Variants in NBAS observed in about 807,000 individuals in gnomAD.
NBAS encodes NBAS subunit of NRZ tethering complex.
In NBAS, 219 loss-of-function variants were observed where a neutral mutation model predicts 302.5. The ratio of observed to expected loss-of-function variants is 0.72; its 90% CI spans 0.65 to 0.81. The LOEUF is 0.81. Ranked by LOEUF, NBAS falls within the 30% of genes least tolerant of loss-of-function variation. The pLI is 0.00. For synonymous variants in NBAS, 1,118 were observed against 1,021.6 expected, an observed-to-expected ratio of 1.09 and a Z score of -1.80; for missense variants, 2,932 against 2,841.6, an observed-to-expected ratio of 1.03 and a Z score of -0.72.
chr2:14,896,545 A>G, the NBAS span, among the ~76,000 whole-genome samples: 7 of 152,052 alleles, frequency 4.6e-5, no homozygotes, highest in African/African-American at 7.2e-5. Flanking sequence ...CAAGGAACCA[A>G]TTAGCTGCTA....
At chr2:14,796,638 G>A in the NBAS span, among the ~76,000 whole-genome samples, 1 of 151,958 alleles carries the variant, frequency 6.6e-6, no homozygotes, top group South Asian at 2.1e-4. Flanking sequence ...ATAGAGGCGG[G>A]TCCCTGGTAA....
chr2:15,002,448 G>A, the NBAS span, among the ~76,000 whole-genome samples: 12 of 149,900 alleles, frequency 8.0e-5, no homozygotes, highest in African/African-American at 3.1e-4. Context: ...TGGCCCACCA[G>A]ACTCAGGAGC....
chr2:15,379,194 C>CT (rs1674902514), intron 30 of NBAS, among the ~76,000 whole-genome samples: 1 of 90,614 alleles, frequency 1.1e-5, no homozygotes, highest in South Asian at 3.2e-4. Context: ...TTGTCTCTCT[C>CT]TCTTTTTTTT....
chr2:15,181,354 G>T (rs1249058830), intron 50 of NBAS, among the ~76,000 whole-genome samples: 1 of 152,178 alleles, frequency 6.6e-6, no homozygotes, highest in Non-Finnish European at 1.5e-5. Context: ...TCCAAGAAGG[G>T]AGGAACCCAC....
intron 48 of NBAS, among the ~76,000 whole-genome samples, chr2:15,202,368 AT>A (rs1665918492): frequency 6.6e-6 from 1 of 152,220 alleles, no homozygotes; most frequent in South Asian, 2.1e-4. Flanking sequence ...ACATGACTAA[AT>A]ATATTTTATG....
intron 51 of NBAS, among the ~76,000 whole-genome samples, chr2:15,167,664 A>G (rs1664095900): frequency 6.6e-6 from 1 of 152,242 alleles, no homozygotes; most frequent in African/African-American, 2.4e-5. Flanking sequence ...TTGACAGAAA[A>G]GGAAACTGAG....
chr2:14,921,124 G>C, the NBAS span, among the ~76,000 whole-genome samples: 1 of 152,002 alleles, frequency 6.6e-6, no homozygotes, highest in Non-Finnish European at 1.5e-5. Flanking sequence ...GACCATTGTA[G>C]GGTTATTAAC....
chr2:15,443,463 T>A (rs1206523736), intron 21 of NBAS, among the ~76,000 whole-genome samples: 2 of 152,006 alleles, frequency 1.3e-5, no homozygotes, highest in Non-Finnish European at 2.9e-5. Flanking sequence ...CCCTTCATGC[T>A]AAAAACTCTC....
At chr2:14,787,131 C>T in the NBAS span, among the ~76,000 whole-genome samples, 4 of 152,116 alleles carry the variant, frequency 2.6e-5, no homozygotes, top group African/African-American at 9.7e-5. Context: ...TTATCAGAGA[C>T]TAGGATTGCA....
chr2:14,799,492 TA>T, the NBAS span, among the ~76,000 whole-genome samples: 1 of 152,146 alleles, frequency 6.6e-6, no homozygotes, highest in South Asian at 2.1e-4. Flanking sequence ...TCGATCTTAG[TA>T]AAAGTCTTAT....
At chr2:15,062,701 C>A in the NBAS span, among the ~76,000 whole-genome samples, 1 of 152,144 alleles carries the variant, frequency 6.6e-6, no homozygotes, top group Admixed American at 6.5e-5. Context: ...GTGGCTGACA[C>A]CTAAACTCTG....
chr2:15,256,148 T>C (rs1163712566), intron 44 of NBAS, among the ~76,000 whole-genome samples: 1 of 152,152 alleles, frequency 6.6e-6, no homozygotes, highest in Non-Finnish European at 1.5e-5. Context: ...TTTGGCAATA[T>C]GGTCATTTTC....
intron 6 of NBAS, among the ~76,000 whole-genome samples, chr2:15,541,704 C>A (rs1012400999): frequency 6.6e-6 from 1 of 151,798 alleles, no homozygotes; most frequent in African/African-American, 2.4e-5. Flanking sequence ...AAAATCAATT[C>A]CCTGTCTTTA....
rs945169878 is a variant in NBAS, at chr2:15,474,224, G to C, written c.1442C>G (p.Ala481Gly). 3 of 1,613,918 alleles carry C rather than the reference G, an allele frequency of 1.9e-6. No individual in the cohort carries two copies. The African/African-American group carries it at 4.0e-5, about 22-fold the overall frequency. ...TATATAACCAAAGTAGCGAGCCTTG[G>C]CAGATATTTCATAATCAGAATCAGA... Reference protein sequence around the residue: ...EDSDSDYEISAKARYFGYIKQ... With the variant: ...EDSDSDYEISGKARYFGYIKQ... Residue 481 changes from alanine to glycine, a missense_variant, in exon 15 of 52, where the codon GCC becomes GGC. Ala to Gly is a moderately conservative substitution (Grantham distance 60, BLOSUM62 0). Coordinates refer to ENST00000281513, the MANE Select transcript of NBAS (RefSeq NM_015909.4).
chr2:15,295,424 T>G (rs1274271579), intron 40 of NBAS, among the ~76,000 whole-genome samples: 2 of 152,320 alleles, frequency 1.3e-5, no homozygotes, highest in East Asian at 3.9e-4. Context: ...CAGAGCTTAC[T>G]AGCTGAATGA....
At chr2:14,784,160 A>G in the NBAS span, among the ~76,000 whole-genome samples, 5 of 151,694 alleles carry the variant, frequency 3.3e-5, no homozygotes, top group African/African-American at 1.2e-4. Context: ...CCACTTTTTG[A>G]TGGGGTTGTT....
intron 3 of NBAS, among the ~76,000 whole-genome samples, chr2:15,554,511 G>T (rs549895895): frequency 1.3e-5 from 2 of 151,300 alleles, no homozygotes; most frequent in South Asian, 4.2e-4. Flanking sequence ...AAACTCACAA[G>T]AAAGAAAGAT....
chr2:15,428,310 G>C (rs1677580650), intron 21 of NBAS, among the ~76,000 whole-genome samples: 1 of 152,184 alleles, frequency 6.6e-6, no homozygotes, highest in South Asian at 2.1e-4. Context: ...TTTTAATTAA[G>C]TTAAATTTAA....
chr2:15,302,799 G>A (rs1252078834), intron 40 of NBAS, among the ~76,000 whole-genome samples: 1 of 152,214 alleles, frequency 6.6e-6, no homozygotes, highest in African/African-American at 2.4e-5. Context: ...CTCAATGTGG[G>A]TGAGCACTGT....
Sources: allele counts gnomAD v4.1 joint callset (sites outside exome capture counted in the v4.1 genomes callset), GRCh38; gene constraint gnomAD v4.1.1; transcripts MANE v1.5; gene names NCBI Gene and HGNC (gene_info 2026-07-23, HGNC 2026-07-21).